CHAF1A: variants seen among roughly 807,000 people sequenced by gnomAD.
CHAF1A encodes chromatin assembly factor 1 subunit A.
CHAF1A carries 5 observed loss-of-function variants against 93.2 expected under a neutral mutation model. The ratio of observed to expected loss-of-function variants is 0.05; its 90% CI spans 0.03 to 0.11. The LOEUF (loss-of-function observed/expected upper bound fraction) is 0.11, where lower values mean the gene tolerates loss of function less well. CHAF1A is among the 10% of genes least tolerant of loss of function. CHAF1A has a pLI of 1.00. For synonymous variants in CHAF1A, 504 were observed against 510.3 expected (o/e 0.99, Z 0.17); for missense variants, 1,102 against 1,259.9 (o/e 0.87, Z 1.90).
At chr19:4,449,766 G>C (rs1023316595), downstream of CHAF1A, 1 of 152,172 alleles carries the variant, frequency 6.6e-6, no homozygotes, top group Non-Finnish European at 1.5e-5. Flanking sequence ...TTTCACAGCT[G>C]TAAGCAAAAG....
chr19:4,445,758 C>T, downstream of CHAF1A: 1 of 1,412,946 alleles, frequency 7.1e-7, no homozygotes, highest in South Asian at 1.4e-5. Context: ...TGGCTCGCAC[C>T]CAGGCCTCCT....
At chr19:4,436,147 AAAAAG>A (rs200722274) in intron 13 of CHAF1A, among the ~76,000 whole-genome samples, 13 of 149,878 alleles carry the variant, frequency 8.7e-5, no homozygotes, top group African/African-American at 1.5e-4. Context: ...CCCCCAAAAA[AAAAAG>A]AAAAGAAAAG....
At chr19:4,412,458 C>T (rs918882060) in intron 3 of CHAF1A, among the ~76,000 whole-genome samples, 3 of 152,146 alleles carry the variant, frequency 2.0e-5, no homozygotes, top group Non-Finnish European at 4.4e-5. Flanking sequence ...GCGGGAGAAC[C>T]GCTTGAACCC....
intron 3 of CHAF1A, among the ~76,000 whole-genome samples, chr19:4,413,283 G>T (rs1340053749): frequency 3.9e-5 from 6 of 152,058 alleles, no homozygotes; most frequent in Non-Finnish European, 8.8e-5. Context: ...TGTTGGACAG[G>T]CTGGTCTCGA....
chr19:4,431,044 C>T (rs1974173286), intron 11 of CHAF1A: 1 of 196,688 alleles, frequency 5.1e-6, no homozygotes, highest in Non-Finnish European at 1.1e-5. Context: ...CAGAACTTCC[C>T]TATCTCTCCA....
downstream of CHAF1A, chr19:4,447,942 G>A (rs958365848): frequency 1.8e-5 from 9 of 492,940 alleles, no homozygotes; most frequent in Admixed American, 3.3e-5. Context: ...CTGAAGGGCC[G>A]CAGTGCCAGC....
chr19:4,430,627 G>A lies in CHAF1A; in HGVS notation c.1933G>A (p.Glu645Lys), dbSNP rs748492659. ...FVPHGYLSED[E>K]GVTEECADPE... ...GCCCCATGGGTACCTGTCTGAGGAC[G>A]AAGGTGTGACAGAGGTGAGGGAGTG... Residue 645 changes from glutamate (E) to lysine (K), a missense_variant, in exon 11 of 15, where the codon GAA (glutamate) becomes AAA (lysine). Glu to Lys is a moderately conservative substitution (Grantham distance 56). This residue lies in a region of CHAF1A where 335 missense variants were observed against 361.9 expected (regional missense o/e 0.93). Coordinates refer to ENST00000301280, the MANE Select transcript of CHAF1A (RefSeq NM_005483.3). 2.5e-6 allele frequency: 4 copies of A among 1,613,824 alleles called. No homozygotes were observed. The highest frequency in any genetic ancestry group is 1.1e-5 in the South Asian group (1 of 91,062).
chr19:4,426,475 T>G (rs1974083832), intron 7 of CHAF1A, among the ~76,000 whole-genome samples: 1 of 141,990 alleles, frequency 7.0e-6, no homozygotes, highest in Non-Finnish European at 1.5e-5. Flanking sequence ...GCCTTTGTTG[T>G]TTTTTGTTTG....
At chr19:4,437,012 T>A (rs1389398192) in intron 13 of CHAF1A, among the ~76,000 whole-genome samples, 1 of 152,156 alleles carries the variant, frequency 6.6e-6, no homozygotes, top group Non-Finnish European at 1.5e-5. Context: ...GGGTGGGCCT[T>A]GGAGTTAGCA....
At chr19:4,446,543 A>G (rs1406216069), downstream of CHAF1A, 1 of 1,612,054 alleles carries the variant, frequency 6.2e-7, no homozygotes, top group East Asian at 2.2e-5. Context: ...GTGAGGTTGA[A>G]GAAGTCCCCA....
chr19:4,448,483 G>C, downstream of CHAF1A: 1 of 1,301,208 alleles, frequency 7.7e-7, no homozygotes, highest in Non-Finnish European at 1.1e-6. Flanking sequence ...CGCTGCCCAG[G>C]TAACAGGGGC....
At chr19:4,428,960 C>G in intron 8 of CHAF1A, 70 bp downstream of exon 8, 1 of 1,353,112 alleles carries the variant, frequency 7.4e-7, no homozygotes, top group East Asian at 2.4e-5. Context: ...ACCCTGGGGT[C>G]CCCGGGGTGG....
chr19:4,426,861 C>T (rs1422930659), intron 7 of CHAF1A, among the ~76,000 whole-genome samples: 4 of 152,064 alleles, frequency 2.6e-5, no homozygotes, highest in African/African-American at 4.8e-5. Context: ...GAGGCCAAGG[C>T]GGGTGAATCA....
rs749233498 is a variant in CHAF1A, at chr19:4,422,303, C to T, written c.1018-263C>T. On this transcript the variant is annotated intron_variant, in intron 4 of 14. Transcript: ENST00000301280. This position sits in a 1 kb window ranked among gnomAD's most constrained non-coding sequence, Gnocchi z 4.6. Reference sequence around the variant, plus strand: ...TGCTGGGATTACAGGCGTGAACCACCGCGCGCAGCCAATTTTTGTATTTTT... The same window carrying T: ...TGCTGGGATTACAGGCGTGAACCACTGCGCGCAGCCAATTTTTGTATTTTT... 4.6e-5 allele frequency among the ~76,000 whole-genome samples: 7 copies of T among 151,794 alleles called. No individual in the cohort carries two copies. The highest frequency in any genetic ancestry group is 7.3e-5 in the African/African-American group (3 of 41,128).
chr19:4,404,811 A>C (rs1973650541), intron 1 of CHAF1A, among the ~76,000 whole-genome samples: 1 of 130,212 alleles, frequency 7.7e-6, no homozygotes, highest in Non-Finnish European at 1.6e-5. Flanking sequence ...GCTTCTATTT[A>C]TGATCACTGC....
At chr19:4,441,985 G>A (rs1205122844) in intron 13 of CHAF1A, among the ~76,000 whole-genome samples, 1 of 152,252 alleles carries the variant, frequency 6.6e-6, no homozygotes, top group Admixed American at 6.5e-5. Context: ...AAATTATTCT[G>A]CAGTTGGCAA....
chr19:4,421,069 A>C (rs559901185), intron 4 of CHAF1A, among the ~76,000 whole-genome samples: 24 of 152,154 alleles, frequency 1.6e-4, no homozygotes, highest in Admixed American at 1.4e-3. Context: ...TCTATCTCCA[A>C]ATAAATAAAT....
chr19:4,418,019 G>C lies in CHAF1A; in HGVS notation c.961-1G>C, dbSNP rs757317018. The C allele has an allele frequency of 2.5e-6, 4 of 1,600,966 alleles. No homozygotes were observed. The highest frequency in any genetic ancestry group is 3.4e-6 in the Non-Finnish European group (4 of 1,173,296). ...TAAAGATAAACGTCTTCTGTTTTCA[G>C]ATAACTAAGAAATTCGTCAAAGGCT... On this transcript the variant is annotated splice_acceptor_variant, in intron 3 of 14. Coordinates refer to ENST00000301280, the MANE Select transcript of CHAF1A (RefSeq NM_005483.3). LOFTEE classifies it high-confidence loss of function.
chr19:4,425,284 T>C (rs891327828), intron 7 of CHAF1A, among the ~76,000 whole-genome samples: 2 of 152,180 alleles, frequency 1.3e-5, no homozygotes, highest in Non-Finnish European at 2.9e-5. Flanking sequence ...GGAGTATTGC[T>C]CTGTCACCCA....
Sources: gnomAD v4.1 joint callset for allele counts (sites outside exome capture counted in the v4.1 genomes callset) on GRCh38, gnomAD v4.1.1 for gene constraint, gnomAD v4.1.1 regional missense constraint, Gnocchi (gnomAD v3.1) non-coding constraint, MANE v1.5 for transcripts, NCBI Gene and HGNC (gene_info 2026-07-23, HGNC 2026-07-21) for gene names.